The following CALCRL variants were observed in gnomAD, a reference collection of about 807,000 sequenced individuals.
CALCRL encodes calcitonin gene-related peptide type 1 receptor.
CALCRL carries 27 observed loss-of-function variants against 60.4 expected under a neutral mutation model. The observed-to-expected ratio is 0.45, with a 90% CI of 0.33 to 0.62. The LOEUF (loss-of-function observed/expected upper bound fraction) is 0.62. Ranked by LOEUF, CALCRL falls within the 20% of genes least tolerant of loss-of-function variation. CALCRL has a pLI of 0.03. For synonymous variants in CALCRL, 190 were observed against 182.6 expected (o/e 1.04, Z -0.33); for missense variants, 424 against 540.7 (o/e 0.78, Z 2.14).
intron 12 of CALCRL, among the ~76,000 whole-genome samples, chr2:187,357,204 G>A (rs978034740): frequency 6.6e-5 from 10 of 151,936 alleles, no homozygotes; most frequent in Admixed American, 5.3e-4. Context: ...ACATGTACAC[G>A]TATGTTTTCT....
intron 1 of CALCRL, among the ~76,000 whole-genome samples, chr2:187,415,320 T>G (rs937736897): frequency 3.3e-5 from 5 of 152,174 alleles, no homozygotes; most frequent in African/African-American, 1.2e-4. Flanking sequence ...CATTAGCGAA[T>G]AGTGAGCACA....
At chr2:187,349,745 T>A (rs535446834) in intron 14 of CALCRL, among the ~76,000 whole-genome samples, 203 of 151,794 alleles carry the variant, frequency 1.3e-3, no homozygotes, top group African/African-American at 4.8e-3. Flanking sequence ...CTGTGTCCCT[T>A]TTGTTTACAC....
At chr2:187,386,915 G>T (rs535929550) in intron 3 of CALCRL, among the ~76,000 whole-genome samples, 2 of 152,146 alleles carry the variant, frequency 1.3e-5, no homozygotes, top group Admixed American at 1.3e-4. Flanking sequence ...TCTCTTATCT[G>T]CTGCCATGAT....
intron 1 of CALCRL, among the ~76,000 whole-genome samples, chr2:187,398,034 T>G (rs1424752185): frequency 6.6e-6 from 1 of 151,634 alleles, no homozygotes; most frequent in Non-Finnish European, 1.5e-5. Context: ...TGGGCATAAT[T>G]AGCCATTTTC....
chr2:187,404,693 A>T (rs143289738), intron 1 of CALCRL, among the ~76,000 whole-genome samples: 71 of 151,776 alleles, frequency 4.7e-4, no homozygotes, highest in African/African-American at 1.7e-3. Flanking sequence ...TAACAATGGC[A>T]ATCTCAAAAG....
rs1689275639 is a variant in CALCRL, at chr2:187,409,730, G to A, written c.-292-21974C>T. On this transcript the variant is annotated intron_variant, in intron 1 of 14. Coordinates refer to ENST00000392370, the MANE Select transcript of CALCRL (RefSeq NM_005795.6). ...ATGACAAGATAGTCCTATGAAGGAA[G>A]AAGATGACCTAATCTGGAGCATTAA... Among the ~76,000 whole-genome samples, 3 of 152,302 alleles carry A rather than the reference G, an allele frequency of 2.0e-5. No homozygotes were observed. In the South Asian group the frequency reaches 6.2e-4, roughly 32 times the overall value.
At chr2:187,355,826 A>C (rs1686753765) in intron 12 of CALCRL, among the ~76,000 whole-genome samples, 1 of 152,154 alleles carries the variant, frequency 6.6e-6, no homozygotes, top group Non-Finnish European at 1.5e-5. Context: ...ATCAATGTGC[A>C]AAAATCACAA....
At chr2:187,382,757 G>A (rs1002367235) in intron 5 of CALCRL, among the ~76,000 whole-genome samples, 2 of 151,882 alleles carry the variant, frequency 1.3e-5, no homozygotes, top group East Asian at 1.9e-4. Context: ...AATGTACTAT[G>A]CAAAGTGTGT....
intron 12 of CALCRL, among the ~76,000 whole-genome samples, chr2:187,353,011 C>G (rs57745963): frequency 0.25 from 37,900 of 151,784 alleles, 5,231 homozygotes; most frequent in Non-Finnish European, 0.31. Flanking sequence ...TGTGCCTCAA[C>G]AACTTTCTCG....
At chr2:187,398,667 T>G (rs556762379) in intron 1 of CALCRL, among the ~76,000 whole-genome samples, 40 of 151,730 alleles carry the variant, frequency 2.6e-4, no homozygotes, top group African/African-American at 8.9e-4. Flanking sequence ...TTTAGCTTGG[T>G]CATGGACATG....
At chr2:187,442,643 G>A (rs983674358) in intron 1 of CALCRL, among the ~76,000 whole-genome samples, 10 of 151,810 alleles carry the variant, frequency 6.6e-5, no homozygotes, top group African/African-American at 7.2e-5. Context: ...AATCCTAAAA[G>A]CTGAATTTAT....
At chr2:187,350,288 A>G (rs1008874505) in intron 14 of CALCRL, among the ~76,000 whole-genome samples, 33 of 151,688 alleles carry the variant, frequency 2.2e-4, no homozygotes, top group African/African-American at 8.0e-4. Flanking sequence ...TCTCATCTAT[A>G]TTTAATTATT....
At chr2:187,385,515 A>G (rs1450731224) in intron 4 of CALCRL, 30 bp downstream of exon 4, 2 of 1,082,900 alleles carry the variant, frequency 1.8e-6, no homozygotes, top group Admixed American at 2.1e-5. Flanking sequence ...AAGCAATAAC[A>G]GACATAATCA....
chr2:187,382,488 A>G (rs939811801), intron 5 of CALCRL, among the ~76,000 whole-genome samples: 4 of 152,188 alleles, frequency 2.6e-5, no homozygotes, highest in Admixed American at 2.6e-4. Flanking sequence ...ATATCTAAAG[A>G]GTGTTAAATT....
chr2:187,389,820 TTATC>T (rs1261135262), intron 1 of CALCRL, among the ~76,000 whole-genome samples: 2 of 152,156 alleles, frequency 1.3e-5, no homozygotes, highest in African/African-American at 4.8e-5. Context: ...TTGATTAACT[TTATC>T]TACGAATTTA....
chr2:187,437,198 T>A (rs1293952386), intron 1 of CALCRL, among the ~76,000 whole-genome samples: 2 of 152,310 alleles, frequency 1.3e-5, no homozygotes, highest in African/African-American at 2.4e-5. Flanking sequence ...AAGTTTAGGA[T>A]GTGCAACATT....
At chr2:187,381,463 TC>T (rs1358542444) in intron 5 of CALCRL, among the ~76,000 whole-genome samples, 5 of 151,526 alleles carry the variant, frequency 3.3e-5, no homozygotes, top group African/African-American at 1.2e-4. Flanking sequence ...AAAGTAATTT[TC>T]TTTTTTTTTT....
chr2:187,430,483 G>A (rs1401319895), intron 1 of CALCRL, among the ~76,000 whole-genome samples: 3 of 152,134 alleles, frequency 2.0e-5, no homozygotes, highest in African/African-American at 2.4e-5. Context: ...AATTTTGTAG[G>A]AAAGGCAGCT....
At chr2:187,346,964 T>C (rs967743860) in intron 14 of CALCRL, among the ~76,000 whole-genome samples, 3 of 151,766 alleles carry the variant, frequency 2.0e-5, no homozygotes, top group African/African-American at 7.2e-5. Context: ...GCTTACTACA[T>C]AGAGGAAAGA....
Sources: gnomAD v4.1 joint callset for allele counts (sites outside exome capture counted in the v4.1 genomes callset) on GRCh38, gnomAD v4.1.1 for gene constraint, MANE v1.5 for transcripts, NCBI Gene and HGNC (gene_info 2026-07-23, HGNC 2026-07-21) for gene names.